The following DNAH8 variants were observed in gnomAD, a reference collection of about 807,000 sequenced individuals.
The protein encoded by DNAH8 is dynein axonemal heavy chain 8.
A neutral mutation model predicts 562.1 loss-of-function variants in DNAH8; 382 were observed. That is an observed-to-expected ratio of 0.68 (90% CI 0.63 to 0.74). The LOEUF is 0.74. Among genes scored for constraint, DNAH8 ranks in the 30% least tolerant of loss-of-function variants. The pLI, the probability that DNAH8 is intolerant of heterozygous loss-of-function variation, is 0.00. For synonymous variants in DNAH8, 1,881 were observed against 1,919.4 expected, an observed-to-expected ratio of 0.98 and a Z score of 0.52; for missense variants, 5,203 against 5,620.4, an observed-to-expected ratio of 0.93 and a Z score of 2.37.
At chr6:38,828,966 T>G (rs964044246) in intron 30 of DNAH8, among the ~76,000 whole-genome samples, 10 of 152,194 alleles carry the variant, frequency 6.6e-5, no homozygotes, top group Non-Finnish European at 2.9e-5. Flanking sequence ...GGACATTTAA[T>G]GTAGACTAAA....
intron 55 of DNAH8, 31 bp from the exon 56 acceptor site, chr6:38,883,845 T>C (rs1778700070): frequency 6.7e-7 from 1 of 1,488,848 alleles, no homozygotes. Context: ...TAAAATCTAA[T>C]GCATAAGACA....
At chr6:38,787,466 C>G (rs1769278238) in intron 18 of DNAH8, among the ~76,000 whole-genome samples, 1 of 152,034 alleles carries the variant, frequency 6.6e-6, no homozygotes, top group African/African-American at 2.4e-5. Context: ...TGGCTCATGC[C>G]TGTAATCCCA....
At chr6:38,917,110 A>G (rs1428945196) in intron 68 of DNAH8, 129 bp from the exon 69 acceptor site, 5 of 644,110 alleles carry the variant, frequency 7.8e-6, no homozygotes, top group Non-Finnish European at 1.2e-5. Context: ...CCACTAAGCA[A>G]AAATCTTGGA....
chr6:38,971,496 T>C, intron 82 of DNAH8, 96 bp from the exon 83 acceptor site: 1 of 648,216 alleles, frequency 1.5e-6, no homozygotes. Context: ...TTAGAAACAA[T>C]AGAAGGAGGC....
At chr6:38,955,921 C>G (rs1762214848) in intron 82 of DNAH8, among the ~76,000 whole-genome samples, 1 of 152,210 alleles carries the variant, frequency 6.6e-6, no homozygotes, top group African/African-American at 2.4e-5. Flanking sequence ...CAGGTTCAAG[C>G]CTAGAAATGG....
intron 57 of DNAH8, among the ~76,000 whole-genome samples, chr6:38,887,837 T>TAATAAGTAGTTCTGGGATACTTAGTAA (rs1779063663): frequency 1.4e-5 from 2 of 146,026 alleles, no homozygotes; most frequent in African/African-American, 2.5e-5. Flanking sequence ...GGCAGACTTT[T>TAATAAGTAGTTCTGGGATACTTAGTAA]TTTTTTTTTT....
intron 83 of DNAH8, 62 bp downstream of exon 83, chr6:38,971,727 G>A: frequency 7.7e-7 from 1 of 1,291,786 alleles, no homozygotes; most frequent in Non-Finnish European, 1.1e-6. Flanking sequence ...AATCATGGAT[G>A]TTACCACATT....
chr6:38,744,693 A>G (rs1764787902), intron 8 of DNAH8, among the ~76,000 whole-genome samples: 1 of 152,162 alleles, frequency 6.6e-6, no homozygotes, highest in South Asian at 2.1e-4. Flanking sequence ...CCCGGGCTCA[A>G]GTGATCCTCC....
At chr6:38,715,960 A>ATATTTTTTTTTTTTTT (rs1372342002) in intron 1 of DNAH8, among the ~76,000 whole-genome samples, 3 of 23,628 alleles carry the variant, frequency 1.3e-4, no homozygotes, top group Non-Finnish European at 1.9e-4. Flanking sequence ...ATATATATAT[A>ATATTTTTTTTTTTTTT]TTTTTTTTTT....
chr6:38,953,246 G>A (rs1382444746), intron 82 of DNAH8: 1 of 152,172 alleles, frequency 6.6e-6, no homozygotes, highest in Admixed American at 6.5e-5. Flanking sequence ...TGTCGCTCTG[G>A]AGATAGGTTC....
chr6:39,023,216 G>A lies in DNAH8; in HGVS notation c.13715-3330G>A, dbSNP rs534551968. Among the ~76,000 whole-genome samples, 7 of 152,250 alleles carry A rather than the reference G, an allele frequency of 4.6e-5. No homozygotes were observed. The South Asian group carries it at 1.5e-3, about 32-fold the overall frequency. On this transcript the variant is annotated intron_variant, in intron 91 of 92. Coordinates refer to ENST00000327475, the MANE Select transcript of DNAH8 (RefSeq NM_001206927.2). ...TTAAAACTAAATTGTGCCAGCCAGG[G>A]GTGCAGTGGCTCACGACTGTAATCC...
intron 58 of DNAH8, among the ~76,000 whole-genome samples, chr6:38,893,128 C>G (rs1779449131): frequency 6.6e-6 from 1 of 152,126 alleles, no homozygotes; most frequent in South Asian, 2.1e-4. Flanking sequence ...CTCTGTTTAC[C>G]ACTGTGTCTT....
At chr6:38,761,230 A>G (rs185216384) in intron 10 of DNAH8, among the ~76,000 whole-genome samples, 2,452 of 147,394 alleles carry the variant, frequency 0.017, 79 homozygotes, top group African/African-American at 0.058. Context: ...ATTTAGCATT[A>G]GGTATATCTC....
intron 21 of DNAH8, among the ~76,000 whole-genome samples, chr6:38,798,666 T>TG (rs1770516333): frequency 6.6e-6 from 1 of 152,218 alleles, no homozygotes; most frequent in Non-Finnish European, 1.5e-5. Context: ...GATGGCAGTG[T>TG]GGGTCGTTGT....
At chr6:38,730,262 C>A (rs1763561055) in intron 4 of DNAH8, among the ~76,000 whole-genome samples, 1 of 152,116 alleles carries the variant, frequency 6.6e-6, no homozygotes, top group Non-Finnish European at 1.5e-5. Context: ...TGCATTTTCC[C>A]CGAAACAGGT....
chr6:38,906,107 C>T, intron 62 of DNAH8, 147 bp from the exon 63 acceptor site: 1 of 387,348 alleles, frequency 2.6e-6, no homozygotes, highest in Non-Finnish European at 4.7e-6. Flanking sequence ...TGGGGTTTCA[C>T]CATGTTGGTC....
At chr6:38,987,888 A>T (rs887418393) in intron 87 of DNAH8, among the ~76,000 whole-genome samples, 2 of 152,174 alleles carry the variant, frequency 1.3e-5, no homozygotes, top group Non-Finnish European at 2.9e-5. Flanking sequence ...GCATGAGCTT[A>T]CCACATGAAC....
intron 76 of DNAH8, among the ~76,000 whole-genome samples, chr6:38,932,523 A>G (rs1341810207): frequency 1.3e-5 from 2 of 152,244 alleles, no homozygotes; most frequent in African/African-American, 2.4e-5. Flanking sequence ...AGAGACTGAT[A>G]CAAGATTAAA....
chr6:38,803,958 C>T (rs1381664597), intron 22 of DNAH8, among the ~76,000 whole-genome samples: 3 of 152,140 alleles, frequency 2.0e-5, no homozygotes, highest in Non-Finnish European at 2.9e-5. Flanking sequence ...CCCTAAAAGG[C>T]TCCTAACTTT....
Sources: gnomAD v4.1 joint callset for allele counts (sites outside exome capture counted in the v4.1 genomes callset) on GRCh38, gnomAD v4.1.1 for gene constraint, MANE v1.5 for transcripts, NCBI Gene and HGNC (gene_info 2026-07-23, HGNC 2026-07-21) for gene names.